GRM8: variants seen among roughly 807,000 people sequenced by gnomAD.
GRM8 encodes the protein glutamate metabotropic receptor 8.
GRM8 carries 47 observed loss-of-function variants against 87.2 expected under a neutral mutation model. The ratio of observed to expected loss-of-function variants is 0.54; its 90% CI spans 0.43 to 0.69. The LOEUF (loss-of-function observed/expected upper bound fraction) is 0.69, where lower values mean the gene tolerates loss of function less well. GRM8 is among the 30% of genes least tolerant of loss of function. The pLI is 0.00. For synonymous variants in GRM8, 396 were observed against 404.5 expected (o/e 0.98, Z 0.25); for missense variants, 1,019 against 1,139.2 (o/e 0.89, Z 1.52).
intron 3 of GRM8, among the ~76,000 whole-genome samples, chr7:127,020,877 T>C (rs879255954): frequency 1.1e-4 from 17 of 151,956 alleles, no homozygotes; most frequent in African/African-American, 1.5e-4. Flanking sequence ...TCAGAATAGA[T>C]AGAGATAGGA....
At chr7:126,857,638 A>G (rs1287124889) in intron 6 of GRM8, among the ~76,000 whole-genome samples, 3 of 152,172 alleles carry the variant, frequency 2.0e-5, no homozygotes, top group Admixed American at 6.5e-5. Context: ...GGTCTTCTTT[A>G]CTTCTCTGTC....
intron 2 of GRM8, chr7:127,111,182 TG>T (rs1358760410): frequency 6.6e-6 from 1 of 152,216 alleles, no homozygotes; most frequent in Non-Finnish European, 1.5e-5. Context: ...GGGAGTTATT[TG>T]GTGCTTGCCC....
chr7:127,008,398 C>T (rs1586736995), intron 3 of GRM8, among the ~76,000 whole-genome samples: 1 of 152,126 alleles, frequency 6.6e-6, no homozygotes, highest in East Asian at 1.9e-4. Context: ...GAAAACATGC[C>T]AAATGTCAAC....
intron 9 of GRM8, among the ~76,000 whole-genome samples, chr7:126,474,146 T>C (rs1296875545): frequency 6.6e-6 from 1 of 152,186 alleles, no homozygotes; most frequent in Non-Finnish European, 1.5e-5. Flanking sequence ...AATGATTTAT[T>C]TTCCACATTC....
intron 6 of GRM8, among the ~76,000 whole-genome samples, chr7:126,774,772 A>G (rs1473596684): frequency 7.9e-5 from 12 of 152,170 alleles, no homozygotes; most frequent in Admixed American, 7.2e-4. Context: ...ATATGTTACA[A>G]TGTAAGTTCC....
At chr7:126,853,517 G>GA (rs1797408459) in intron 6 of GRM8, among the ~76,000 whole-genome samples, 1 of 152,080 alleles carries the variant, frequency 6.6e-6, no homozygotes, top group Non-Finnish European at 1.5e-5. Flanking sequence ...CCTGGACCCA[G>GA]AAAAACATAC....
In GRM8 at chr7:127,030,503, C is replaced by T. The variant is rs569242727; in HGVS notation, c.727+75993G>A. Among the ~76,000 whole-genome samples the T allele has an allele frequency of 2.0e-3, 307 of 152,204 alleles. 2 individuals carry two copies. Among genetic ancestry groups the T allele is most frequent in the Middle Eastern group, 3.4e-3 (1 of 294 alleles). On this transcript the variant is annotated intron_variant, in intron 3 of 10. Transcript: ENST00000339582. ...AATTCTAGGACTAACGGGGGAATACCGTTGATATGTATCAGTTTACTCTCT... is the reference window on the plus strand; with the variant it reads ...AATTCTAGGACTAACGGGGGAATACTGTTGATATGTATCAGTTTACTCTCT...
chr7:126,799,642 G>T (rs1425315263), intron 6 of GRM8, among the ~76,000 whole-genome samples: 2 of 152,052 alleles, frequency 1.3e-5, no homozygotes, highest in Non-Finnish European at 2.9e-5. Context: ...CTCCATCCCT[G>T]GACTGTAGAA....
intron 7 of GRM8, among the ~76,000 whole-genome samples, chr7:126,696,447 C>T (rs1318689223): frequency 6.6e-6 from 1 of 152,036 alleles, no homozygotes; most frequent in Admixed American, 6.6e-5. Flanking sequence ...CTGTTCTCAT[C>T]GTTCAGCTCC....
chr7:126,952,166 G>C (rs951855563), intron 3 of GRM8, among the ~76,000 whole-genome samples: 11 of 151,852 alleles, frequency 7.2e-5, no homozygotes, highest in Non-Finnish European at 1.2e-4. Flanking sequence ...CTTAATAAGA[G>C]AGCACAAACA....
intron 7 of GRM8, among the ~76,000 whole-genome samples, chr7:126,744,513 G>A (rs1815411394): frequency 6.6e-6 from 1 of 151,924 alleles, no homozygotes. Context: ...ACAATAAAAT[G>A]TTCCAACATT....
At chr7:126,493,505 A>G (rs1311860837) in intron 9 of GRM8, among the ~76,000 whole-genome samples, 1 of 152,078 alleles carries the variant, frequency 6.6e-6, no homozygotes, top group East Asian at 1.9e-4. Context: ...CCGGAAGAAC[A>G]GATTTTAACA....
intron 2 of GRM8, among the ~76,000 whole-genome samples, chr7:127,204,660 A>ATT (rs756100696): frequency 6.8e-6 from 1 of 147,904 alleles, no homozygotes; most frequent in Non-Finnish European, 1.5e-5. Context: ...TACTGTCCAA[A>ATT]TTTTTTTTTT....
At chr7:127,001,584 C>T (rs768041669) in intron 3 of GRM8, among the ~76,000 whole-genome samples, 5 of 151,564 alleles carry the variant, frequency 3.3e-5, no homozygotes, top group African/African-American at 7.3e-5. Context: ...AAGGCTAGAA[C>T]GAGTGGAATT....
intron 2 of GRM8, among the ~76,000 whole-genome samples, chr7:127,186,327 C>T (rs1253167800): frequency 6.6e-6 from 1 of 152,156 alleles, no homozygotes; most frequent in Non-Finnish European, 1.5e-5. Context: ...TCCATTGCCT[C>T]TTCAGATAAC....
At chr7:127,103,316 G>T (rs1204954244) in intron 3 of GRM8, among the ~76,000 whole-genome samples, 2 of 152,206 alleles carry the variant, frequency 1.3e-5, no homozygotes, top group Non-Finnish European at 2.9e-5. Context: ...CCTGGTGGAA[G>T]GTGTTTGGGT....
At chr7:127,187,368 AT>A (rs1332677651) in intron 2 of GRM8, among the ~76,000 whole-genome samples, 1 of 151,954 alleles carries the variant, frequency 6.6e-6, no homozygotes, top group Admixed American at 6.6e-5. Context: ...TTGAGAGAGG[AT>A]TTACTTTTTT....
chr7:126,957,426 GCAGCTGCAGCCACC>G (rs939304023), intron 3 of GRM8, among the ~76,000 whole-genome samples: 4 of 152,112 alleles, frequency 2.6e-5, no homozygotes, highest in Non-Finnish European at 5.9e-5. Flanking sequence ...GCTTCTGGGC[GCAGCTGCAGCCACC>G]CAGCTGCAGC....
intron 2 of GRM8, among the ~76,000 whole-genome samples, chr7:127,223,360 G>T (rs758916550): frequency 2.0e-4 from 30 of 151,914 alleles, no homozygotes; most frequent in Non-Finnish European, 3.4e-4. Flanking sequence ...GAAAGGGGCA[G>T]CCTAGCTTCT....
Sources: allele counts gnomAD v4.1 joint callset (sites outside exome capture counted in the v4.1 genomes callset), GRCh38; gene constraint gnomAD v4.1.1; transcripts MANE v1.5; gene names NCBI Gene and HGNC (gene_info 2026-07-23, HGNC 2026-07-21).